FSTL1: variants seen among roughly 807,000 people sequenced by gnomAD.
FSTL1 encodes follistatin like 1.
Under a neutral mutation model 45.9 loss-of-function variants are expected in FSTL1, and 24 were observed. The ratio of observed to expected loss-of-function variants is 0.52; its 90% confidence interval spans 0.38 to 0.74. The LOEUF (loss-of-function observed/expected upper bound fraction) is 0.74. FSTL1 is among the 30% of genes least tolerant of loss of function. FSTL1 has a pLI of 0.00. For synonymous variants in FSTL1, 120 were observed against 137.6 expected, an observed-to-expected ratio of 0.87 and a Z score of 0.89; for missense variants, 340 against 381.8, an observed-to-expected ratio of 0.89 and a Z score of 0.91.
Position 120,396,550 on chromosome 3 carries a change from G to A in FSTL1, c.*402C>T, listed in dbSNP as rs1007136800. On this transcript the variant is annotated 3_prime_UTR_variant, in exon 11 of 11. Coordinates refer to ENST00000295633, the MANE Select transcript of FSTL1 (RefSeq NM_007085.5). ...CTGGAAGCAGAGAGCGTTCCTCTCC[G>A]TGGAGCTTCCCAAACCTCTCCTCCG... 14 of 168,202 alleles carry A rather than the reference G, an allele frequency of 8.3e-5. 1 individual carries two copies. Among genetic ancestry groups the A allele is most frequent in the East Asian group, 5.2e-4 (3 of 5,748 alleles). 10.4% of individuals were successfully genotyped at this position (168,202 alleles called of 1,614,324 possible). A position where few individuals can be genotyped will look rare whatever the true frequency, so the allele number is the denominator to read the frequency against.
At chr3:120,417,924 G>A (rs1001100009) in intron 2 of FSTL1, among the ~76,000 whole-genome samples, 3 of 152,158 alleles carry the variant, frequency 2.0e-5, no homozygotes, top group African/African-American at 7.2e-5. Context: ...CCTGCCCTGC[G>A]GAGATTCAGT....
At chr3:120,423,555 T>C (rs1481928874) in intron 2 of FSTL1, 1 of 152,150 alleles carries the variant, frequency 6.6e-6, no homozygotes, top group Non-Finnish European at 1.5e-5. Flanking sequence ...CTTCAAGAGC[T>C]GGGCCATGAC....
At chr3:120,427,189 C>T (rs971367071) in intron 2 of FSTL1, among the ~76,000 whole-genome samples, 1 of 152,200 alleles carries the variant, frequency 6.6e-6, no homozygotes, top group African/African-American at 2.4e-5. Context: ...TCCTTCAAGG[C>T]TTGGGTCAAG....
At chr3:120,414,752 C>T (rs1344730983) in intron 3 of FSTL1, among the ~76,000 whole-genome samples, 3 of 151,752 alleles carry the variant, frequency 2.0e-5, no homozygotes, top group African/African-American at 4.8e-5. Flanking sequence ...GGATTAAGGG[C>T]GGTGCAAGAT....
At chr3:120,414,432 C>G (rs1322776851) in intron 3 of FSTL1, among the ~76,000 whole-genome samples, 1 of 151,310 alleles carries the variant, frequency 6.6e-6, no homozygotes, top group Non-Finnish European at 1.5e-5. Flanking sequence ...TCTGCCCGGC[C>G]GCCCCTACTG....
Position 120,399,887 on chromosome 3 carries a change from T to A in FSTL1, c.878A>T (p.His293Leu), listed in dbSNP as rs748295626. 5 of 1,601,960 alleles carry A rather than the reference T, an allele frequency of 3.1e-6. No homozygotes were observed. The highest frequency in any genetic ancestry group is 4.3e-6 in the Non-Finnish European group (5 of 1,172,788). ...MTRYVQELQK[H>L]QETAEKTKRV... ...AGCACGGAGGCTGCCACTCACCTGA[T>A]GCTTTTGGAGCTCCTGGACATATCT... Residue 293 changes from histidine (H) to leucine (L), a missense_variant, in exon 10 of 11, where the codon CAT becomes CTT. By Grantham distance (99) the His-to-Leu change is moderately conservative. Coordinates refer to ENST00000295633, the MANE Select transcript of FSTL1 (RefSeq NM_007085.5).
At chr3:120,445,272 G>T (rs112943892) in intron 2 of FSTL1, among the ~76,000 whole-genome samples, 7 of 150,002 alleles carry the variant, frequency 4.7e-5, no homozygotes, top group African/African-American at 1.8e-4. Flanking sequence ...AAGTTAAAAT[G>T]TTAAAAATAA....
intron 2 of FSTL1, among the ~76,000 whole-genome samples, chr3:120,449,454 A>C (rs1937833805): frequency 6.6e-6 from 1 of 152,224 alleles, no homozygotes; most frequent in Admixed American, 6.5e-5. Context: ...CTTAGCATTT[A>C]ATAGCTGAGA....
At chr3:120,433,501 T>C (rs891809662) in intron 2 of FSTL1, among the ~76,000 whole-genome samples, 1 of 152,196 alleles carries the variant, frequency 6.6e-6, no homozygotes, top group Non-Finnish European at 1.5e-5. Flanking sequence ...ATTCAAAAAA[T>C]ATTTACTAAG....
chr3:120,412,802 G>T (rs1576213764), intron 3 of FSTL1, among the ~76,000 whole-genome samples: 1 of 146,674 alleles, frequency 6.8e-6, no homozygotes, highest in African/African-American at 2.5e-5. Context: ...AGGCAGGCAG[G>T]CAAACACACA....
rs112148242 is a variant in FSTL1, at chr3:120,436,063, A to C, written c.63+14621T>G. Among the ~76,000 whole-genome samples the C allele has an allele frequency of 9.0e-3, 284 of 31,476 alleles. 1 individual carries two copies. The highest frequency in any genetic ancestry group is 0.014 in the African/African-American group (281 of 20,528). The allele number at this position is 31,476 out of a possible 152,430, so 20.6% of individuals were successfully genotyped here. A position where few individuals can be genotyped will look rare whatever the true frequency, so the allele number is the denominator to read the frequency against. ...TATCCCTATCACAGTTTATTTTTGT[A>C]AAAAAAAAAAAGTATCTAAAATAGG... On this transcript the variant is annotated intron_variant, in intron 2 of 10. Coordinates refer to ENST00000295633, the MANE Select transcript of FSTL1 (RefSeq NM_007085.5).
chr3:120,415,219 C>G (rs1388664128), intron 3 of FSTL1, among the ~76,000 whole-genome samples: 2 of 150,952 alleles, frequency 1.3e-5, no homozygotes, highest in African/African-American at 4.9e-5. Context: ...TGGTGTCAAT[C>G]AATGCTACAG....
In FSTL1 at chr3:120,399,900, C is replaced by G. The variant is rs919636749; in HGVS notation, c.865G>C (p.Glu289Gln). 44 of 1,606,530 alleles carry G rather than the reference C, an allele frequency of 2.7e-5. No individual in the cohort carries two copies. In the African/African-American group the frequency reaches 5.5e-4, roughly 20 times the overall value. The change falls in exon 10 of 11, where the codon GAG becomes CAG. Residue 289 changes from glutamate (E) to glutamine (Q), a missense_variant. Coordinates refer to ENST00000295633, the MANE Select transcript of FSTL1 (RefSeq NM_007085.5). ...TEEEMTRYVQ[E>Q]LQKHQETAEK... is the part of the protein sequence containing the mutation. The stretch of plus-strand genomic sequence containing the variant: ...CCACTCACCTGATGCTTTTGGAGCT[C>G]CTGGACATATCTGGTCATCTCCTCC...
Position 120,410,934 on chromosome 3 carries a change from GA to G in FSTL1, c.331+17del. On this transcript the variant is annotated intron_variant, in intron 5 of 10. Coordinates refer to ENST00000295633, the MANE Select transcript of FSTL1 (RefSeq NM_007085.5). ...TGTCCTCCCTGAGATGCACACAGTA[GA>G]AAAAATAGGCACTCACCTGGGCTGG... 6.3e-7 allele frequency: 1 copy of G among 1,592,060 alleles called. No individual in the cohort carries two copies. The highest frequency in any genetic ancestry group is 8.6e-7 in the Non-Finnish European group (1 of 1,160,056).
chr3:120,423,195 T>C (rs1312877910), intron 2 of FSTL1: 1 of 152,150 alleles, frequency 6.6e-6, no homozygotes, highest in African/African-American at 2.4e-5. Flanking sequence ...ATTCTCTATG[T>C]GTCTTTTCAG....
chr3:120,397,230 C>G (rs1666605786), intron 10 of FSTL1, among the ~76,000 whole-genome samples: 2 of 152,118 alleles, frequency 1.3e-5, no homozygotes, highest in African/African-American at 4.8e-5. Flanking sequence ...ATTTGGACTC[C>G]TATGAAACAA....
intron 2 of FSTL1, among the ~76,000 whole-genome samples, chr3:120,439,405 A>AT (rs1937604820): frequency 1.3e-5 from 2 of 152,228 alleles, no homozygotes; most frequent in African/African-American, 4.8e-5. Flanking sequence ...GAAACCAGAT[A>AT]TTTAAGATTT....
Position 120,395,788 on chromosome 3 carries a change from C to A in FSTL1, c.*1164G>T, listed in dbSNP as rs915964943. The A allele has an allele frequency of 3.9e-6, 2 of 512,744 alleles. No individual in the cohort carries two copies. Among genetic ancestry groups the A allele is most frequent in the Non-Finnish European group, 7.9e-6 (2 of 252,802 alleles). 31.8% of individuals were successfully genotyped at this position (512,744 alleles called of 1,614,324 possible). ...AAAGGTTAGTGCATTCTTACCAGCT[C>A]ACTGAGGAAACTGAGGTCCAGAAAA... On this transcript the variant is annotated 3_prime_UTR_variant, in exon 11 of 11. Coordinates refer to ENST00000295633, the MANE Select transcript of FSTL1 (RefSeq NM_007085.5).
intron 2 of FSTL1, among the ~76,000 whole-genome samples, chr3:120,433,150 T>C (rs9879383): frequency 0.23 from 35,094 of 152,140 alleles, 4,978 homozygotes; most frequent in African/African-American, 0.41. Flanking sequence ...GGACATTAGC[T>C]TCCTCTGGGA....
Sources: allele counts gnomAD v4.1 joint callset (sites outside exome capture counted in the v4.1 genomes callset), GRCh38; gene constraint gnomAD v4.1.1; transcripts MANE v1.5; gene names NCBI Gene and HGNC (gene_info 2026-07-23, HGNC 2026-07-21).